The following MST1 variants were observed in gnomAD, a reference collection of about 807,000 sequenced individuals.
MST1 encodes macrophage stimulating 1.
In MST1, 76 loss-of-function variants were observed where a neutral mutation model predicts 100.1. The ratio of observed to expected loss-of-function variants is 0.76; its 90% CI spans 0.63 to 0.92. The LOEUF is 0.92. Ranked by LOEUF, MST1 falls within the 40% of genes least tolerant of loss-of-function variation. MST1 has a pLI of 0.00. For missense variants in MST1, 850 were observed against 990.0 expected (o/e 0.86, Z 1.90); for synonymous variants, 352 against 385.4 (o/e 0.91, Z 1.01).
rs1553681744 is a variant in MST1, at chr3:49,686,298, C to CCCA, written c.1016+14_1016+15insTGG. On this transcript the variant is annotated intron_variant, in intron 8 of 17. Coordinates refer to ENST00000449682, the MANE Select transcript of MST1 (RefSeq NM_020998.4). ...AGCAGCACGTCCCAACGCCCGCCCC[C>CCCA]CCCCCCCACCTCACTTGCACGCGTA... is the stretch of plus-strand genomic sequence containing the variant. 1 of 1,242,572 alleles carries CCCA rather than the reference C, an allele frequency of 8.0e-7. No homozygotes were observed. Among genetic ancestry groups the CCCA allele is most frequent in the African/African-American group, 1.7e-5 (1 of 58,110 alleles). 77.0% of individuals were successfully genotyped at this position (1,242,572 alleles called of 1,614,324 possible). A position where few individuals can be genotyped will look rare whatever the true frequency, so the allele number is the denominator to read the frequency against.
chr3:49,688,226 C>G (rs2053960107), intron 1 of MST1: 1 of 481,998 alleles, frequency 2.1e-6, no homozygotes, highest in Non-Finnish European at 3.8e-6. Flanking sequence ...AATGCTAAGG[C>G]TCAGAGCCAT....
rs1238709286 is a variant in MST1, at chr3:49,686,352, G to A, written c.977C>T (p.Pro326Leu). The change falls in exon 8 of 18, where the codon CCG becomes CTG. Residue 326 changes from proline to leucine, a missense_variant. Coordinates refer to ENST00000449682, the MANE Select transcript of MST1 (RefSeq NM_020998.4). ...VPCQRWDAQI[P>L]HQHRFTPEKY... The stretch of plus-strand genomic sequence containing the variant: ...TTCTGGCGTAAATCGGTGCTGATGC[G>A]GGATTTGCGCGTCCCAACGCTGGCA... 2 of 1,599,170 alleles carry A rather than the reference G, an allele frequency of 1.3e-6. No homozygotes were observed. Among genetic ancestry groups the A allele is most frequent in the Non-Finnish European group, 8.5e-7 (1 of 1,175,786 alleles).
chr3:49,686,039 T>A, intron 9 of MST1, 23 bp downstream of exon 9: 2 of 1,607,362 alleles, frequency 1.2e-6, no homozygotes, highest in Non-Finnish European at 1.7e-6. Context: ...CCCGGCTCTG[T>A]AGCCCCCAAG....
In MST1 at chr3:49,686,674, C is replaced by T. The variant is rs1439893765; in HGVS notation, c.847+10G>A. The T allele has an allele frequency of 4.5e-6, 7 of 1,552,000 alleles. No individual in the cohort carries two copies. The highest frequency in any genetic ancestry group is 1.9e-5 in the Admixed American group (1 of 51,856). ...CAGGTACCCTCCCAGGCCTGGTCCC[C>T]GCCGCCTACCGCAGCGGGGGAGGTC... On this transcript the variant is annotated intron_variant, in intron 7 of 17. Transcript: ENST00000449682.
At position 49,687,199 on chromosome 3, in the gene MST1, G is replaced by A; in HGVS notation, c.557C>T (p.Thr186Ile). 1.2e-6 allele frequency: 2 copies of A among 1,613,442 alleles called. No individual in the cohort carries two copies. The highest frequency in any genetic ancestry group is 2.2e-5 in the South Asian group (2 of 91,084). ...GDPGGPWCYTTDPAVRFQSCG... is the reference protein window; with the variant it reads ...GDPGGPWCYTIDPAVRFQSCG... Reference sequence around the variant, plus strand: ...GCTCTGGAAGCGCACAGCAGGGTCTGTTGTGTAGCACCAAGGACCTCCGGG... The same window carrying A: ...GCTCTGGAAGCGCACAGCAGGGTCTATTGTGTAGCACCAAGGACCTCCGGG... The change falls in exon 5 of 18, where the codon ACA becomes ATA. Residue 186 changes from threonine (T) to isoleucine (I), a missense_variant. Coordinates refer to ENST00000449682, the MANE Select transcript of MST1 (RefSeq NM_020998.4).
rs748083669 is a variant in MST1, at chr3:49,686,077, C to T, written c.1132G>A (p.Asp378Asn). The change falls in exon 9 of 18, where the codon GAC becomes AAC. Residue 378 changes from aspartate (D) to asparagine (N), a missense_variant. Physicochemically the swap from Asp to Asn is conservative, Grantham distance 23. Around this residue, in one of 2 missense-constraint regions of MST1, gnomAD observed 816 missense variants for 924.6 expected, o/e 0.88. Transcript: ENST00000449682. ...TGGGCCTCACCCTGGGGCCGCACGT[C>T]GTCTGTACAACGCCGGATCTGGTAG... The part of the protein sequence containing the change: ...FCYQIRRCTD[D>N]VRPQDCYHGA... 34 of 1,610,342 alleles carry T rather than the reference C, an allele frequency of 2.1e-5. No homozygotes were observed. Among genetic ancestry groups the T allele is most frequent in the Non-Finnish European group, 1.4e-5 (16 of 1,179,388 alleles).
At chr3:49,687,523 T>C in intron 3 of MST1, 33 bp downstream of exon 3, 1 of 1,613,374 alleles carries the variant, frequency 6.2e-7, no homozygotes, top group Non-Finnish European at 8.5e-7. Flanking sequence ...AGGTCCCCTG[T>C]CTCCCACCCT....
chr3:49,684,301 C>A lies in MST1; in HGVS notation c.2016+13G>T. 2 of 1,612,810 alleles carry A rather than the reference C, an allele frequency of 1.2e-6. No individual in the cohort carries two copies. Among genetic ancestry groups the A allele is most frequent in the South Asian group, 2.2e-5 (2 of 91,058 alleles). On this transcript the variant is annotated intron_variant, in intron 17 of 17. Transcript: ENST00000449682. ...ATACCCTTCCAGGGCTGGCCCAGGG[C>A]CCTGCCACCAACCTCACAGGCCCCC...
In MST1 at chr3:49,684,178, C is replaced by T. The variant is rs141810913; in HGVS notation, c.2028G>A (p.Gly676=). 1.0e-4 allele frequency: 164 copies of T among 1,612,246 alleles called. 1 individual carries two copies. The highest frequency in any genetic ancestry group is 1.0e-3 in the Middle Eastern group (6 of 6,014). The change falls in exon 18 of 18, where the codon GGG becomes GGA. Residue 676 remains glycine, a synonymous_variant. Coordinates refer to ENST00000449682, the MANE Select transcript of MST1 (RefSeq NM_020998.4). ...APVGACEGDY[G]GPLACFTHNC... ...TGTGGGTAAAGCAGGCAAGTGGGCC[C>T]CCGTAGTCACCCTGGCAGGTAGGAG...
At chr3:49,685,789 T>C in intron 10 of MST1, 57 bp from the exon 11 acceptor site, 1 of 1,612,778 alleles carries the variant, frequency 6.2e-7, no homozygotes, top group East Asian at 2.2e-5. Flanking sequence ...TTCCAGGCTC[T>C]GGTCCCAGAC....
Position 49,686,989 on chromosome 3 carries a change from C to T in MST1, c.686G>A (p.Trp229Ter). The T allele has an allele frequency of 2.5e-6, 4 of 1,611,250 alleles. No individual in the cohort carries two copies. The highest frequency in any genetic ancestry group is 2.7e-5 in the African/African-American group (2 of 75,008). The part of the protein sequence containing the change: ...RTESGRECQR[W>*]DLQHPHQHPF... ...GTGCTGGTGCGGGTGCTGAAGATCC[C>T]AGCGCTGGCACTCGCGCCCTGACTC... Residue 229 changes from tryptophan (W) to a stop codon, truncating the protein, a stop_gained, in exon 6 of 18, where the codon TGG (tryptophan) becomes TAG (stop). Coordinates refer to ENST00000449682, the MANE Select transcript of MST1 (RefSeq NM_020998.4). LOFTEE classifies it high-confidence loss of function.
Position 49,685,610 on chromosome 3 carries a change from G to A in MST1, c.1373C>T (p.Ala458Val). The change falls in exon 11 of 18, where the codon GCC becomes GTC. Residue 458 changes from alanine to valine, a missense_variant. Ala to Val is a moderately conservative substitution (Grantham distance 64). Transcript: ENST00000449682. The stretch of plus-strand genomic sequence containing the variant: ...CTAGTGCTCACCGCAGCGTCGCAGG[G>A]CACAGTAGTCGAATGGGGTCCTTGG... ...MDPRTPFDYC[A>V]LRRCADDQPP... 6.2e-7 allele frequency: 1 copy of A among 1,613,416 alleles called. No homozygotes were observed.
intron 8 of MST1, 24 bp downstream of exon 8, chr3:49,686,289 G>GGGGGGGGGGGGCCCCCCCCCC: frequency 8.1e-7 from 1 of 1,235,660 alleles, no homozygotes; most frequent in Non-Finnish European, 1.1e-6. Context: ...ACGTCCCAAC[G>GGGGGGGGGGGGCCCCCCCCCC]CCCGCCCCCC....
Position 49,684,314 on chromosome 3 carries a change from C to T in MST1, c.2016G>A (p.Glu672=), listed in dbSNP as rs770029066. Residue 672 remains glutamate, a splice_region_variant and synonymous_variant, in exon 17 of 18, where the codon GAG becomes GAA. Transcript: ENST00000449682. ...EGLLAPVGAC[E]GDYGGPLACF... ...GCTGGCCCAGGGCCCTGCCACCAAC[C>T]TCACAGGCCCCCACAGGGGCCAACA... The T allele has an allele frequency of 5.6e-6, 9 of 1,612,898 alleles. No individual in the cohort carries two copies. The African/African-American group carries it at 8.0e-5, about 14-fold the overall frequency.
rs1269201311 is a variant in MST1 at position 49,688,777 on chromosome 3, G to C, written c.-86C>G. The C allele has an allele frequency of 4.5e-6, 5 of 1,106,138 alleles. No individual in the cohort carries two copies. The highest frequency in any genetic ancestry group is 6.5e-6 in the Non-Finnish European group (5 of 772,866). The allele number at this position is 1,106,138 out of a possible 1,614,324, so 68.5% of individuals were successfully genotyped here. The stretch of plus-strand genomic sequence containing the variant: ...CAGGGCCTGCTGGACCCTGACCTGA[G>C]ACCTGGTGACAGGAGCCATGAGGGG... On this transcript the variant is annotated 5_prime_UTR_variant, in exon 1 of 18. Transcript: ENST00000449682.
intron 13 of MST1, 60 bp from the exon 14 acceptor site, chr3:49,685,149 A>G: frequency 1.9e-6 from 3 of 1,596,736 alleles, no homozygotes; most frequent in South Asian, 1.1e-5. Context: ...TAGACCTGCC[A>G]TCTTCTGGCT....
At chr3:49,687,925 G>T (rs1313133126) in intron 1 of MST1, 28 bp from the exon 2 acceptor site, 1 of 1,604,514 alleles carries the variant, frequency 6.2e-7, no homozygotes, top group Non-Finnish European at 8.5e-7. Context: ...GTGGGTGCAG[G>T]TCAGGTGGGC....
Position 49,688,700 on chromosome 3 carries a change from T to C in MST1, c.-9A>G, listed in dbSNP as rs747248149. 3.1e-6 allele frequency: 5 copies of C among 1,593,448 alleles called. No homozygotes were observed. In the South Asian group the frequency reaches 3.4e-5, roughly 11 times the overall value. Reference sequence around the variant, plus strand: ...ACCCACCACAGCCCCATCCGGGAAGTTGTGAAACCTGTCCCTACGGGATTG... The same window carrying C: ...ACCCACCACAGCCCCATCCGGGAAGCTGTGAAACCTGTCCCTACGGGATTG... On this transcript the variant is annotated 5_prime_UTR_variant, in exon 1 of 18. Coordinates refer to ENST00000449682, the MANE Select transcript of MST1 (RefSeq NM_020998.4).
chr3:49,685,828 C>T (rs1559650532), intron 10 of MST1, 32 bp downstream of exon 10: 3 of 1,612,340 alleles, frequency 1.9e-6, no homozygotes, highest in South Asian at 1.1e-5. Flanking sequence ...AGGGTTAGGG[C>T]CCTGGCGGGG....
Sources: allele counts gnomAD v4.1 joint callset, GRCh38; gene constraint gnomAD v4.1.1; regional missense constraint gnomAD v4.1.1; transcripts MANE v1.5; gene names NCBI Gene and HGNC (gene_info 2026-07-23, HGNC 2026-07-21).